PMFBP1: variants seen among roughly 807,000 people sequenced by gnomAD.
PMFBP1 encodes the protein polyamine-modulated factor 1-binding protein 1.
In PMFBP1, 131 loss-of-function variants were observed where a neutral mutation model predicts 137.8. The ratio of observed to expected loss-of-function variants is 0.95; its 90% CI spans 0.82 to 1.10. PMFBP1 has a LOEUF of 1.10. Among genes scored for constraint, PMFBP1 ranks in the 50% least tolerant of loss-of-function variants. The pLI is 0.00. For synonymous variants in PMFBP1, 490 were observed against 450.4 expected, an observed-to-expected ratio of 1.09 and a Z score of -1.11; for missense variants, 1,199 against 1,175.4, an observed-to-expected ratio of 1.02 and a Z score of -0.29.
chr16:72,134,330 G>A (rs1324628917), intron 9 of PMFBP1, among the ~76,000 whole-genome samples: 2 of 152,080 alleles, frequency 1.3e-5, no homozygotes, highest in Non-Finnish European at 2.9e-5. Context: ...CTGCAGGGGT[G>A]TGCCACCACA....
rs895841354 is a variant in PMFBP1 at position 72,171,280 on chromosome 16, C to T, written c.-60-12G>A. The T allele has an allele frequency of 2.0e-6, 3 of 1,525,752 alleles. No homozygotes were observed. Among genetic ancestry groups the T allele is most frequent in the Admixed American group, 3.4e-5 (2 of 58,774 alleles). 94.5% of individuals were successfully genotyped at this position (1,525,752 alleles called of 1,614,324 possible). A position where few individuals can be genotyped will look rare whatever the true frequency, so the allele number is the denominator to read the frequency against. ...GCTTTGTTATAAACCTGAAAAAGTC[C>T]AAGTATTTAAGATGGAAAAAGTATA... On this transcript the variant is annotated splice_polypyrimidine_tract_variant and intron_variant, in intron 1 of 20. Coordinates refer to ENST00000237353, the MANE Select transcript of PMFBP1 (RefSeq NM_031293.3).
At chr16:72,199,699 T>C in the PMFBP1 span, among the ~76,000 whole-genome samples, 2 of 149,414 alleles carry the variant, frequency 1.3e-5, no homozygotes, top group African/African-American at 4.9e-5. Context: ...TGGAAAGGGC[T>C]TTTCAGAAAA....
At chr16:72,215,681 G>C in the PMFBP1 span, among the ~76,000 whole-genome samples, 1 of 152,182 alleles carries the variant, frequency 6.6e-6, no homozygotes, top group Non-Finnish European at 1.5e-5. Context: ...AGTGAACAAA[G>C]TAGGTGAAAC....
At chr16:72,201,114 A>G in the PMFBP1 span, among the ~76,000 whole-genome samples, 1 of 152,216 alleles carries the variant, frequency 6.6e-6, no homozygotes, top group Non-Finnish European at 1.5e-5. Context: ...GTGCAGATGC[A>G]TAATGTGTGA....
chr16:72,164,718 A>G (rs149367945), intron 3 of PMFBP1, 46 bp downstream of exon 3: 3 of 1,546,868 alleles, frequency 1.9e-6, no homozygotes, highest in East Asian at 4.5e-5. Context: ...GAGCAGAGGC[A>G]GAAGTCAAGA....
At chr16:72,230,373 C>T in the PMFBP1 span, among the ~76,000 whole-genome samples, 1 of 152,134 alleles carries the variant, frequency 6.6e-6, no homozygotes, top group East Asian at 1.9e-4. Flanking sequence ...GTTGAGATGA[C>T]TCTAAGACAC....
At chr16:72,212,449 T>C in the PMFBP1 span, among the ~76,000 whole-genome samples, 1 of 150,232 alleles carries the variant, frequency 6.7e-6, no homozygotes, top group Non-Finnish European at 1.5e-5. Context: ...CTTTAAGCTA[T>C]GAGTGCTTTT....
chr16:72,209,366 C>A, the PMFBP1 span, among the ~76,000 whole-genome samples: 1 of 152,042 alleles, frequency 6.6e-6, no homozygotes, highest in Non-Finnish European at 1.5e-5. Context: ...CCAGTTGAGA[C>A]CCACTTATTA....
intron 20 of PMFBP1, 118 bp from the exon 21 acceptor site, chr16:72,119,472 G>A (rs564212095): frequency 1.9e-6 from 3 of 1,588,466 alleles, no homozygotes; most frequent in East Asian, 2.2e-5. Context: ...TTGCCTCTGG[G>A]GTAACATGGA....
intron 5 of PMFBP1, 89 bp from the exon 6 acceptor site, chr16:72,140,671 T>C: frequency 8.2e-7 from 1 of 1,219,966 alleles, no homozygotes; most frequent in Non-Finnish European, 1.2e-6. Flanking sequence ...TCTAGACCTA[T>C]ATTCTAAAGG....
chr16:72,174,770 T>A (rs1474058122), upstream of PMFBP1, among the ~76,000 whole-genome samples: 3 of 152,164 alleles, frequency 2.0e-5, no homozygotes. Context: ...TCGTGAGAAC[T>A]CATTCACTAT....
chr16:72,127,267 GA>G (rs1223586445), intron 14 of PMFBP1, among the ~76,000 whole-genome samples: 14 of 152,196 alleles, frequency 9.2e-5, no homozygotes, highest in African/African-American at 3.4e-4. Context: ...TTAGTGAGAT[GA>G]AAAGTGGTAA....
chr16:72,231,964 T>G, the PMFBP1 span, among the ~76,000 whole-genome samples: 1 of 126,350 alleles, frequency 7.9e-6, no homozygotes, highest in Non-Finnish European at 1.7e-5. Flanking sequence ...ATGGAAACAT[T>G]TTGGCTATTT....
intron 14 of PMFBP1, chr16:72,128,332 G>A: frequency 1.6e-6 from 2 of 1,261,978 alleles, no homozygotes. Context: ...ACAAGTTTTG[G>A]AAGTGTTCCC....
the PMFBP1 span, among the ~76,000 whole-genome samples, chr16:72,239,046 A>G: frequency 2.0e-5 from 3 of 152,338 alleles, no homozygotes; most frequent in African/African-American, 7.2e-5. Flanking sequence ...GGATTTTGCA[A>G]AAAGTAAGGA....
rs1273756224 is a variant in PMFBP1, at chr16:72,154,268, C to T, written c.357G>A (p.Glu119=). 2 of 1,614,004 alleles carry T rather than the reference C, an allele frequency of 1.2e-6. No individual in the cohort carries two copies. Among genetic ancestry groups the T allele is most frequent in the Non-Finnish European group, 1.7e-6 (2 of 1,180,024 alleles). The change falls in exon 4 of 21, where the codon GAG becomes GAA. Residue 119 remains glutamate, a synonymous_variant. Transcript: ENST00000237353. Reference sequence around the variant, plus strand: ...GAAGAACCAGGTCGGAAGTCTGCTTCTCTAGGATGGACTGATACTGGCGGA... The same window carrying T: ...GAAGAACCAGGTCGGAAGTCTGCTTTTCTAGGATGGACTGATACTGGCGGA... ...YSLRQYQSIL[E]KQTSDLVLLH...
At chr16:72,123,021 A>G (rs1370782002) in intron 18 of PMFBP1, 33 bp from the exon 19 acceptor site, 59 of 1,593,242 alleles carry the variant, frequency 3.7e-5, no homozygotes, top group Non-Finnish European at 4.9e-5. Context: ...AACAGCAGCC[A>G]GTCGCCAGCC....
intron 10 of PMFBP1, among the ~76,000 whole-genome samples, chr16:72,132,212 C>G (rs1371129468): frequency 6.6e-6 from 1 of 152,122 alleles, no homozygotes; most frequent in Non-Finnish European, 1.5e-5. Context: ...CAACCATCAC[C>G]AATATTTAAT....
At chr16:72,173,431 C>T (rs1287672935), upstream of PMFBP1, among the ~76,000 whole-genome samples, 1 of 152,174 alleles carries the variant, frequency 6.6e-6, no homozygotes, top group Non-Finnish European at 1.5e-5. Flanking sequence ...GTTTCATCCG[C>T]TATGGAGTTA....
Sources: allele counts gnomAD v4.1 joint callset (sites outside exome capture counted in the v4.1 genomes callset), GRCh38; gene constraint gnomAD v4.1.1; transcripts MANE v1.5; gene names NCBI Gene and HGNC (gene_info 2026-07-23, HGNC 2026-07-21).